LIMCH1: variants seen among roughly 807,000 people sequenced by gnomAD.
LIMCH1 encodes the protein LIM and calponin homology domains-containing protein 1.
A neutral mutation model predicts 176.5 loss-of-function variants in LIMCH1; 113 were observed. The ratio of observed to expected loss-of-function variants is 0.64; its 90% CI spans 0.55 to 0.75. The LOEUF is 0.75. Ranked by LOEUF, LIMCH1 falls within the 30% of genes least tolerant of loss-of-function variation. The pLI is 0.00. For missense variants in LIMCH1, 1,674 were observed against 1,814.9 expected (o/e 0.92, Z 1.41); for synonymous variants, 619 against 645.9 (o/e 0.96, Z 0.63).
intron 1 of LIMCH1, among the ~76,000 whole-genome samples, chr4:41,554,494 A>G (rs1583998043): frequency 6.6e-6 from 1 of 152,036 alleles, no homozygotes; most frequent in Admixed American, 6.6e-5. Flanking sequence ...GACCTGTACA[A>G]CCTTCCTCTA....
At chr4:41,426,123 G>A (rs962619964) in intron 1 of LIMCH1, among the ~76,000 whole-genome samples, 3 of 143,928 alleles carry the variant, frequency 2.1e-5, no homozygotes, top group Admixed American at 1.5e-4. Context: ...CCGGGTTCAC[G>A]CCATTCTCCT....
At chr4:41,432,042 G>A (rs537625761) in intron 1 of LIMCH1, among the ~76,000 whole-genome samples, 1 of 152,272 alleles carries the variant, frequency 6.6e-6, no homozygotes, top group South Asian at 2.1e-4. Flanking sequence ...AAGAAATTTA[G>A]GCTAGGATGT....
At chr4:41,597,910 T>C (rs1026013452) in intron 1 of LIMCH1, among the ~76,000 whole-genome samples, 1 of 152,206 alleles carries the variant, frequency 6.6e-6, no homozygotes, top group African/African-American at 2.4e-5. Context: ...ACTGGAAATA[T>C]TCTCTGTTCA....
intron 1 of LIMCH1, among the ~76,000 whole-genome samples, chr4:41,393,867 G>A (rs1267080561): frequency 2.0e-5 from 3 of 152,054 alleles, no homozygotes; most frequent in Non-Finnish European, 4.4e-5. Context: ...TTTATCCTCT[G>A]GCTTAGACTT....
At chr4:41,407,629 C>G (rs1332930795) in intron 1 of LIMCH1, among the ~76,000 whole-genome samples, 1 of 152,054 alleles carries the variant, frequency 6.6e-6, no homozygotes, top group Non-Finnish European at 1.5e-5. Flanking sequence ...TCCGTGCCCT[C>G]TGCGGAAGGT....
At chr4:41,581,290 A>ATCTAATTAACACATC (rs755183298) in intron 1 of LIMCH1, among the ~76,000 whole-genome samples, 166 of 152,308 alleles carry the variant, frequency 1.1e-3, no homozygotes, top group Admixed American at 2.8e-3. Flanking sequence ...TAACACATCC[A>ATCTAATTAACACATC]TCACTGCAAA....
intron 1 of LIMCH1, among the ~76,000 whole-genome samples, chr4:41,459,737 C>A (rs2065059179): frequency 6.6e-6 from 1 of 152,172 alleles, no homozygotes; most frequent in Non-Finnish European, 1.5e-5. Flanking sequence ...CTAACTACTC[C>A]TAGGGCTGAA....
At chr4:41,601,096 A>G (rs761940085) in intron 2 of LIMCH1, among the ~76,000 whole-genome samples, 1 of 151,996 alleles carries the variant, frequency 6.6e-6, no homozygotes, top group African/African-American at 2.4e-5. Flanking sequence ...ACATTCCCCC[A>G]TGACCCTGGC....
intron 2 of LIMCH1, among the ~76,000 whole-genome samples, chr4:41,509,034 C>T (rs144660095): frequency 6.6e-6 from 1 of 152,152 alleles, no homozygotes; most frequent in African/African-American, 2.4e-5. Flanking sequence ...TTAGTATGAC[C>T]CAATGGCTGA....
chr4:41,567,769 T>C (rs994329141), intron 1 of LIMCH1, among the ~76,000 whole-genome samples: 1 of 152,214 alleles, frequency 6.6e-6, no homozygotes, highest in Non-Finnish European at 1.5e-5. Context: ...TGTTTGGTAG[T>C]AATAAATAGC....
At chr4:41,607,212 AT>A (rs1162895603) in intron 4 of LIMCH1, among the ~76,000 whole-genome samples, 1 of 152,118 alleles carries the variant, frequency 6.6e-6, no homozygotes, top group East Asian at 1.9e-4. Flanking sequence ...GTTCCTTGCA[AT>A]TTTTCTTTTA....
At chr4:41,676,289 G>A (rs951065116) in intron 22 of LIMCH1, 93 bp from the exon 23 acceptor site, 108 of 876,186 alleles carry the variant, frequency 1.2e-4, no homozygotes, top group Non-Finnish European at 1.8e-4. Context: ...GTCAATCTGG[G>A]TGCCAGGCCA....
At chr4:41,383,624 T>C (rs556287927) in intron 1 of LIMCH1, among the ~76,000 whole-genome samples, 3 of 152,282 alleles carry the variant, frequency 2.0e-5, no homozygotes, top group Admixed American at 2.0e-4. Context: ...ACAGAACCAT[T>C]GTATGGCGCT....
intron 1 of LIMCH1, among the ~76,000 whole-genome samples, chr4:41,482,575 G>T (rs1018060694): frequency 1.3e-5 from 2 of 152,138 alleles, no homozygotes; most frequent in African/African-American, 4.8e-5. Flanking sequence ...TGTCTTTTGG[G>T]TTAGACAGTA....
intron 22 of LIMCH1, among the ~76,000 whole-genome samples, chr4:41,673,214 C>T (rs148840210): frequency 4.2e-3 from 644 of 152,244 alleles, no homozygotes; most frequent in Middle Eastern, 0.01. Context: ...ACTGGGAATC[C>T]TGAGTTTCCT....
At chr4:41,423,639 G>C (rs1421422736) in intron 1 of LIMCH1, among the ~76,000 whole-genome samples, 2 of 152,112 alleles carry the variant, frequency 1.3e-5, no homozygotes, top group East Asian at 3.9e-4. Context: ...CCTATAGCCT[G>C]GGGGAGAGTG....
intron 1 of LIMCH1, among the ~76,000 whole-genome samples, chr4:41,583,671 T>C (rs528887204): frequency 1.4e-4 from 21 of 152,220 alleles, no homozygotes; most frequent in Admixed American, 8.5e-4. Context: ...TTGAATTACA[T>C]AGAAAAAAAT....
chr4:41,368,111 G>T (rs990105049), intron 1 of LIMCH1, among the ~76,000 whole-genome samples: 1 of 152,020 alleles, frequency 6.6e-6, no homozygotes, highest in African/African-American at 2.4e-5. Flanking sequence ...TATTTTAATT[G>T]AATATCTTAT....
At chr4:41,592,505 A>C (rs1286318987) in intron 1 of LIMCH1, among the ~76,000 whole-genome samples, 1 of 152,118 alleles carries the variant, frequency 6.6e-6, no homozygotes, top group Non-Finnish European at 1.5e-5. Flanking sequence ...GGCAAGGGCT[A>C]TACCTACACA....
Sources: gnomAD v4.1 joint callset for allele counts (sites outside exome capture counted in the v4.1 genomes callset) on GRCh38, gnomAD v4.1.1 for gene constraint, MANE v1.5 for transcripts, NCBI Gene and HGNC (gene_info 2026-07-23, HGNC 2026-07-21) for gene names.